The following DIPK1A variants were observed in gnomAD, a reference collection of about 807,000 sequenced individuals.
The protein encoded by DIPK1A is divergent protein kinase domain 1A.
A neutral mutation model predicts 40.8 loss-of-function variants in DIPK1A; 27 were observed. The observed-to-expected ratio is 0.66, with a 90% CI of 0.49 to 0.91. The LOEUF is 0.91. Ranked by LOEUF, DIPK1A falls within the 40% of genes least tolerant of loss-of-function variation. DIPK1A has a pLI of 0.00. For synonymous variants in DIPK1A, 166 were observed against 171.3 expected, an observed-to-expected ratio of 0.97 and a Z score of 0.24; for missense variants, 412 against 505.7, an observed-to-expected ratio of 0.81 and a Z score of 1.78.
chr1:92,833,309 C>A, intron 4 of DIPK1A: 1 of 1,191,146 alleles, frequency 8.4e-7, no homozygotes, highest in Non-Finnish European at 1.2e-6. Flanking sequence ...TCAAGTGTTA[C>A]TTTGTTACAT....
chr1:92,896,487 C>T (rs946274968), intron 1 of DIPK1A, among the ~76,000 whole-genome samples: 8 of 151,974 alleles, frequency 5.3e-5, no homozygotes, highest in African/African-American at 1.2e-4. Flanking sequence ...TTCCTTACAC[C>T]TTATACAAAA....
Position 92,843,380 on chromosome 1 carries a change from G to T in DIPK1A, c.*3C>A. On this transcript the variant is annotated 3_prime_UTR_variant, in exon 5 of 5. Transcript: ENST00000370310. ...CTTAAAATGGTAATTATGTCCAAAT[G>T]AACTAAGAGTCATTAGTGTAGGAAA... is the stretch of plus-strand genomic sequence containing the variant. The T allele has an allele frequency of 6.6e-7, 1 of 1,520,284 alleles. No individual in the cohort carries two copies. The highest frequency in any genetic ancestry group is 1.3e-5 in the South Asian group (1 of 79,110). The allele number at this position is 1,520,284 out of a possible 1,614,324, so 94.2% of individuals were successfully genotyped here.
At chr1:92,844,480 C>A (rs1687508981) in intron 4 of DIPK1A, among the ~76,000 whole-genome samples, 1 of 151,560 alleles carries the variant, frequency 6.6e-6, no homozygotes, top group African/African-American at 2.4e-5. Context: ...GATAGTTAAC[C>A]AACAATGTAA....
chr1:92,897,443 G>A (rs1451762727), intron 1 of DIPK1A, among the ~76,000 whole-genome samples: 5 of 152,102 alleles, frequency 3.3e-5, no homozygotes, highest in East Asian at 1.9e-4. Flanking sequence ...ACTCATAGGT[G>A]GGAATTGAAC....
chr1:92,952,362 G>A (rs1307289626), intron 1 of DIPK1A, among the ~76,000 whole-genome samples: 7 of 152,220 alleles, frequency 4.6e-5, no homozygotes, highest in Non-Finnish European at 8.8e-5. Context: ...GCTCACGCCT[G>A]TAATGCCAGG....
chr1:92,940,061 C>T (rs1173798686), intron 1 of DIPK1A, among the ~76,000 whole-genome samples: 1 of 152,102 alleles, frequency 6.6e-6, no homozygotes. Flanking sequence ...AAGGCTTAAT[C>T]CCCCATTTAA....
chr1:92,893,316 C>G (rs1648986543), intron 1 of DIPK1A, among the ~76,000 whole-genome samples: 1 of 151,658 alleles, frequency 6.6e-6, no homozygotes, highest in South Asian at 2.1e-4. Flanking sequence ...GGCAGAAACT[C>G]TACAAGCCAG....
rs542477366 is a variant in DIPK1A, at chr1:92,833,028, G to A, written c.481C>T (p.His161Tyr). 5 of 740,816 alleles carry A rather than the reference G, an allele frequency of 6.7e-6. No individual in the cohort carries two copies. In the East Asian group the frequency reaches 1.2e-4, roughly 18 times the overall value. The allele number at this position is 740,816 out of a possible 1,614,324, so 45.9% of individuals were successfully genotyped here. The stretch of plus-strand genomic sequence containing the variant: ...GCAAAAGTTTGGCACAATTACCGGT[G>A]CTGGTCCTTGAAGAAACAAATATGG... Residue 161 changes from histidine (H) to tyrosine (Y), a missense_variant, in exon 5 of 5, where the codon CAC becomes TAC. Coordinates refer to the DIPK1A transcript ENST00000615519.
At chr1:92,886,522 T>G (rs1417016122) in intron 1 of DIPK1A, among the ~76,000 whole-genome samples, 1 of 151,992 alleles carries the variant, frequency 6.6e-6, no homozygotes. Context: ...TATCAATTTT[T>G]TTTTTGGTAT....
At chr1:92,887,844 G>A (rs1177560320) in intron 1 of DIPK1A, among the ~76,000 whole-genome samples, 1 of 152,110 alleles carries the variant, frequency 6.6e-6, no homozygotes, top group Non-Finnish European at 1.5e-5. Context: ...ACTAGGAGAA[G>A]CAGGCTTTGA....
chr1:92,922,380 C>G (rs1650303955), intron 1 of DIPK1A, among the ~76,000 whole-genome samples: 1 of 143,140 alleles, frequency 7.0e-6, no homozygotes, highest in African/African-American at 2.7e-5. Flanking sequence ...AATTGAACTT[C>G]TGGATCTTGT....
chr1:92,836,581 A>T lies in DIPK1A; in HGVS notation c.475-3547T>A, dbSNP rs1687137540. On this transcript the variant is annotated intron_variant, in intron 4 of 4. Coordinates refer to the DIPK1A transcript ENST00000615519. Reference sequence around the variant, plus strand: ...GCCCATTTTATAAATTAAGAGTCTGAGGCCCAGAGTTATTTGTCCCAAGTT... The same window carrying T: ...GCCCATTTTATAAATTAAGAGTCTGTGGCCCAGAGTTATTTGTCCCAAGTT... 9.9e-6 allele frequency: 6 copies of T among 609,028 alleles called. No individual in the cohort carries two copies. The East Asian group carries it at 1.8e-4, about 18-fold the overall frequency. 37.7% of individuals were successfully genotyped at this position (609,028 alleles called of 1,614,324 possible).
At chr1:92,946,582 T>G (rs145158192) in intron 1 of DIPK1A, among the ~76,000 whole-genome samples, 1 of 152,328 alleles carries the variant, frequency 6.6e-6, no homozygotes, top group African/African-American at 2.4e-5. Flanking sequence ...GGGATAATGA[T>G]GTGAGAAAAC....
At chr1:92,905,652 C>T (rs1443896788) in intron 1 of DIPK1A, among the ~76,000 whole-genome samples, 2 of 152,108 alleles carry the variant, frequency 1.3e-5, no homozygotes, top group Non-Finnish European at 2.9e-5. Flanking sequence ...TCCATTTTCA[C>T]TTTGGTTGCC....
intron 1 of DIPK1A, among the ~76,000 whole-genome samples, chr1:92,957,835 T>C (rs765098237): frequency 1.3e-5 from 2 of 152,336 alleles, no homozygotes; most frequent in African/African-American, 2.4e-5. Context: ...CCACTATCAA[T>C]TTTAGAACAT....
rs189403253 is a variant in DIPK1A, at chr1:92,842,575, T to G, written c.*808A>C. The G allele has an allele frequency of 1.1e-5, 11 of 983,360 alleles. No individual in the cohort carries two copies. The Admixed American group carries it at 4.4e-4, about 39-fold the overall frequency. 60.9% of individuals were successfully genotyped at this position (983,360 alleles called of 1,614,324 possible). A position where few individuals can be genotyped will look rare whatever the true frequency, so the allele number is the denominator to read the frequency against. ...CTGTTTGAAAATGGAAAGTTATTAC[T>G]AAAAAGTCTGCTATAATTTATTTTA... On this transcript the variant is annotated 3_prime_UTR_variant, in exon 5 of 5. Coordinates refer to ENST00000370310, the MANE Select transcript of DIPK1A (RefSeq NM_001006605.5).
intron 1 of DIPK1A, among the ~76,000 whole-genome samples, chr1:92,958,226 T>C (rs1158979432): frequency 6.6e-6 from 1 of 152,230 alleles, no homozygotes; most frequent in East Asian, 1.9e-4. Context: ...AATTGTGTAA[T>C]GCCACAGTTT....
intron 1 of DIPK1A, among the ~76,000 whole-genome samples, chr1:92,936,610 C>T (rs1161881929): frequency 5.6e-5 from 8 of 141,970 alleles, no homozygotes; most frequent in African/African-American, 1.8e-4. Flanking sequence ...GCCTGGGCAA[C>T]AAGAGCGAAA....
At chr1:92,941,859 G>A (rs1374166028) in intron 1 of DIPK1A, among the ~76,000 whole-genome samples, 2 of 152,192 alleles carry the variant, frequency 1.3e-5, no homozygotes, top group South Asian at 2.1e-4. Context: ...GAGTGGTGGC[G>A]CGTGCTTGTA....
Sources: allele counts gnomAD v4.1 joint callset (sites outside exome capture counted in the v4.1 genomes callset), GRCh38; gene constraint gnomAD v4.1.1; transcripts MANE v1.5; gene names NCBI Gene and HGNC (gene_info 2026-07-23, HGNC 2026-07-21).